Variants in NKX2-2 observed in about 807,000 individuals in gnomAD.
NKX2-2 encodes the protein homeobox protein Nkx-2.2.
NKX2-2 carries 8 observed loss-of-function variants against 24.6 expected under a neutral mutation model. The observed-to-expected ratio is 0.32, with a 90% confidence interval of 0.19 to 0.59. The LOEUF (loss-of-function observed/expected upper bound fraction) is 0.59. Among genes scored for constraint, NKX2-2 ranks in the 20% least tolerant of loss-of-function variants. NKX2-2 has a pLI of 0.86. For synonymous variants in NKX2-2, 217 were observed against 173.3 expected (o/e 1.25, Z -1.98); for missense variants, 381 against 373.9 (o/e 1.02, Z -0.16).
chr20:21,522,552 G>A, the NKX2-2 span, among the ~76,000 whole-genome samples: 5 of 152,102 alleles, frequency 3.3e-5, no homozygotes, highest in East Asian at 9.6e-4. Context: ...ACGCGTGCGA[G>A]CTGGAGGCTC....
the NKX2-2 span, among the ~76,000 whole-genome samples, chr20:21,521,335 C>T: frequency 1.3e-5 from 2 of 152,048 alleles, no homozygotes; most frequent in Non-Finnish European, 2.9e-5. Context: ...GGAGGGGGCG[C>T]CCCTCGGAGA....
chr20:21,520,582 C>T, the NKX2-2 span, among the ~76,000 whole-genome samples: 1 of 152,168 alleles, frequency 6.6e-6, no homozygotes, highest in Non-Finnish European at 1.5e-5. Context: ...AAATTGAACA[C>T]GAACTGTGGC....
At chr20:21,517,432 T>A (rs1182896679), upstream of NKX2-2, among the ~76,000 whole-genome samples, 1 of 152,212 alleles carries the variant, frequency 6.6e-6, no homozygotes, top group Non-Finnish European at 1.5e-5. Context: ...TCCCGGGACC[T>A]CGAGACTCAT....
rs139958556 is a variant in NKX2-2, at chr20:21,513,637, C to G, written c.33G>C (p.Ser11=). 5.6e-6 allele frequency: 9 copies of G among 1,594,700 alleles called. No homozygotes were observed. Among genetic ancestry groups the G allele is most frequent in the African/African-American group, 1.4e-5 (1 of 73,730 alleles). Residue 11 remains serine (S), a synonymous_variant, in exon 1 of 2, where the codon TCG becomes TCC. Transcript: ENST00000377142. The surrounding 1 kb of genome is among the most constrained non-coding windows in gnomAD (Gnocchi z 4.6). The stretch of plus-strand genomic sequence containing the variant: ...CCGGCAGGTCTAAGATGTCCTTGAC[C>G]GAAAACCCCGTCTTTGTGTTGGTCA... The part of the protein sequence containing the change: MSLTNTKTGF[S]VKDILDLPDT...
At chr20:21,517,673 T>G (rs1041977040), upstream of NKX2-2, among the ~76,000 whole-genome samples, 18 of 152,164 alleles carry the variant, frequency 1.2e-4, no homozygotes, top group African/African-American at 4.3e-4. Context: ...CAGAGCACAG[T>G]CCAGTGTCTC....
chr20:21,512,031 G>A lies in NKX2-2; in HGVS notation c.714C>T (p.Ser238=), dbSNP rs147126971. 6.2e-7 allele frequency: 1 copy of A among 1,613,674 alleles called. No individual in the cohort carries two copies. Among genetic ancestry groups the A allele is most frequent in the Non-Finnish European group, 8.5e-7 (1 of 1,179,946 alleles). Residue 238 remains serine (S), a synonymous_variant, in exon 2 of 2, where the codon AGC becomes AGT. Transcript: ENST00000377142. ...ACTGCATGTGCTGCAGCGACTGCGC[G>A]CTGTAGGCAGAAAAGGGAATGCCCG... ...FQAGIPFSAY[S]AQSLQHMQYN...
chr20:21,514,604 G>C (rs1160990986), upstream of NKX2-2, among the ~76,000 whole-genome samples: 1 of 151,674 alleles, frequency 6.6e-6, no homozygotes, highest in Non-Finnish European at 1.5e-5. Context: ...GCCCCCGCGC[G>C]CCCACCCCCG....
At chr20:21,521,950 C>T in the NKX2-2 span, among the ~76,000 whole-genome samples, 14 of 152,216 alleles carry the variant, frequency 9.2e-5, no homozygotes, top group Non-Finnish European at 2.1e-4. Context: ...CTCAGGGGAC[C>T]GCAGGCGGGG....
rs8192561 is a variant in NKX2-2 at position 21,513,576 on chromosome 20, G to C, written c.94C>G (p.Pro32Ala). The C allele has an allele frequency of 2.1e-4, 331 of 1,613,672 alleles. 1 individual carries two copies. The highest frequency in any genetic ancestry group is 2.6e-4 in the Non-Finnish European group (306 of 1,179,808). Reference sequence around the variant, plus strand: ...TCGGGCCCCTCGTTCTCTTCCTCCGGACCTTCGGCCACAGAGCCCTCCTCA... The same window carrying C: ...TCGGGCCCCTCGTTCTCTTCCTCCGCACCTTCGGCCACAGAGCCCTCCTCA... ...NDEEGSVAEG[P>A]EEENEGPEPA... Residue 32 changes from proline to alanine, a missense_variant, in exon 1 of 2, where the codon CCG becomes GCG. Pro to Ala is a conservative substitution (Grantham distance 27). Around this residue, in one of 3 missense-constraint regions of NKX2-2, gnomAD observed 206 missense variants for 173.1 expected, o/e 1.19. Transcript: ENST00000377142. This position sits in a 1 kb window ranked among gnomAD's most constrained non-coding sequence, Gnocchi z 4.6.
rs537491377 is a variant in NKX2-2 at position 21,513,005 on chromosome 20, G to A, written c.259+406C>T. 6.6e-6 allele frequency among the ~76,000 whole-genome samples: 1 copy of A among 152,234 alleles called. No individual in the cohort carries two copies. Among genetic ancestry groups the A allele is most frequent in the East Asian group, 1.9e-4 (1 of 5,140 alleles). Reference sequence around the variant, plus strand: ...TGAGCTATTTATACCCGGGCCACCCGAAGCCTCCCCACCCTCCACCCGTAC... The same window carrying A: ...TGAGCTATTTATACCCGGGCCACCCAAAGCCTCCCCACCCTCCACCCGTAC... On this transcript the variant is annotated intron_variant, in intron 1 of 1. Transcript: ENST00000377142. The surrounding 1 kb of genome is among the most constrained non-coding windows in gnomAD (Gnocchi z 4.6).
At chr20:21,516,227 C>T (rs544452667), upstream of NKX2-2, among the ~76,000 whole-genome samples, 4 of 152,196 alleles carry the variant, frequency 2.6e-5, no homozygotes, top group East Asian at 5.8e-4. Context: ...TTTCTGAATC[C>T]GTCCACAATA....
rs1980504650 is a variant in NKX2-2 at position 21,513,187 on chromosome 20, C to T, written c.259+224G>A. Among the ~76,000 whole-genome samples the T allele has an allele frequency of 6.6e-6, 1 of 152,264 alleles. No homozygotes were observed. The highest frequency in any genetic ancestry group is 2.1e-4 in the South Asian group (1 of 4,828). ...CTCCCTCTTTCTCCTTAACTTCTCG[C>T]ATTGAAAAAAATTTTGGAGACCAAG... On this transcript the variant is annotated intron_variant, in intron 1 of 1. Transcript: ENST00000377142. This position sits in a 1 kb window ranked among gnomAD's most constrained non-coding sequence, Gnocchi z 4.6.
chr20:21,514,698 A>C (rs947862914), upstream of NKX2-2, among the ~76,000 whole-genome samples: 3 of 152,170 alleles, frequency 2.0e-5, no homozygotes, highest in Non-Finnish European at 2.9e-5. Context: ...TCTCCTTTCC[A>C]TCGTTGGTGG....
At chr20:21,522,259 C>A in the NKX2-2 span, among the ~76,000 whole-genome samples, 21 of 152,214 alleles carry the variant, frequency 1.4e-4, 1 homozygote, top group Admixed American at 5.9e-4. Flanking sequence ...CGAGTCAGGA[C>A]CCGGGAGAGC....
At chr20:21,520,957 C>T in the NKX2-2 span, among the ~76,000 whole-genome samples, 1 of 152,132 alleles carries the variant, frequency 6.6e-6, no homozygotes, top group African/African-American at 2.4e-5. Context: ...GTGACAAAAT[C>T]ATTACCACAA....
upstream of NKX2-2, among the ~76,000 whole-genome samples, chr20:21,514,496 A>T (rs551616177): frequency 4.0e-3 from 606 of 151,962 alleles, 4 homozygotes; most frequent in African/African-American, 0.014. Flanking sequence ...ATTGCATCTT[A>T]AAAAAGGTGG....
chr20:21,521,862 G>T, the NKX2-2 span, among the ~76,000 whole-genome samples: 1 of 152,178 alleles, frequency 6.6e-6, no homozygotes, highest in African/African-American at 2.4e-5. Flanking sequence ...TTCAAGGCGC[G>T]TCTTTATCTA....
rs2122535777 is a variant in NKX2-2, at chr20:21,511,038, G to A, written c.*885C>T. On this transcript the variant is annotated 3_prime_UTR_variant, in exon 2 of 2. Coordinates refer to ENST00000377142, the MANE Select transcript of NKX2-2 (RefSeq NM_002509.4). ...TTTCTTTTTTTCTTTTTTAAACACA[G>A]GATTTTTATTAAAATTCTTATTTAA... 1 of 152,468 alleles carries A rather than the reference G, an allele frequency of 6.6e-6. No homozygotes were observed. Among genetic ancestry groups the A allele is most frequent in the East Asian group, 1.9e-4 (1 of 5,182 alleles). The allele number at this position is 152,468 out of a possible 1,614,324, so 9.4% of individuals were successfully genotyped here.
chr20:21,521,599 G>C, the NKX2-2 span, among the ~76,000 whole-genome samples: 16 of 152,304 alleles, frequency 1.1e-4, no homozygotes, highest in South Asian at 2.1e-3. Context: ...AGAAGCCCCT[G>C]TCTCCACTGG....
Sources: allele counts gnomAD v4.1 joint callset (sites outside exome capture counted in the v4.1 genomes callset), GRCh38; gene constraint gnomAD v4.1.1; regional missense constraint gnomAD v4.1.1; non-coding constraint Gnocchi (gnomAD v3.1); transcripts MANE v1.5; gene names NCBI Gene and HGNC (gene_info 2026-07-23, HGNC 2026-07-21).